The following ZNF385B variants were observed in gnomAD, a reference collection of about 807,000 sequenced individuals.
ZNF385B encodes zinc finger protein 533.
In ZNF385B, 23 loss-of-function variants were observed where a neutral mutation model predicts 39.2. The observed-to-expected ratio is 0.59, with a 90% CI of 0.42 to 0.83. The LOEUF (loss-of-function observed/expected upper bound fraction) is 0.83, where lower values mean the gene tolerates loss of function less well. Ranked by LOEUF, ZNF385B falls within the 40% of genes least tolerant of loss-of-function variation. The pLI is 0.00. For missense variants in ZNF385B, 552 were observed against 598.9 expected, an observed-to-expected ratio of 0.92 and a Z score of 0.82; for synonymous variants, 205 against 222.6, an observed-to-expected ratio of 0.92 and a Z score of 0.70.
chr2:179,733,689 C>T (rs1040010056), intron 3 of ZNF385B, among the ~76,000 whole-genome samples: 5 of 148,444 alleles, frequency 3.4e-5, no homozygotes, highest in Non-Finnish European at 7.4e-5. Flanking sequence ...AGGCGGAGGC[C>T]GGAGAATGGC....
chr2:179,559,438 G>A (rs1399086249), intron 3 of ZNF385B, among the ~76,000 whole-genome samples: 1 of 152,108 alleles, frequency 6.6e-6, no homozygotes, highest in Admixed American at 6.6e-5. Context: ...TGGGGCACTA[G>A]CGATGTGCAA....
intron 6 of ZNF385B, among the ~76,000 whole-genome samples, chr2:179,482,175 G>A (rs774334829): frequency 1.3e-5 from 2 of 152,126 alleles, no homozygotes; most frequent in African/African-American, 2.4e-5. Context: ...TAGTCTCTTT[G>A]TTTGAACAGA....
chr2:179,636,638 T>G (rs3112944), intron 3 of ZNF385B, among the ~76,000 whole-genome samples: 75,315 of 152,012 alleles, frequency 0.5, 19,087 homozygotes, highest in East Asian at 0.75. Context: ...GCCCCTGAAG[T>G]TTAAGCTTCA....
At chr2:179,834,881 T>C (rs1342721365) in intron 1 of ZNF385B, among the ~76,000 whole-genome samples, 4 of 152,182 alleles carry the variant, frequency 2.6e-5, no homozygotes, top group Non-Finnish European at 1.5e-5. Context: ...GGATGCCTAA[T>C]ACATTTAGCC....
intron 3 of ZNF385B, among the ~76,000 whole-genome samples, chr2:179,684,741 C>A (rs1041008417): frequency 2.0e-5 from 3 of 152,174 alleles, no homozygotes; most frequent in Non-Finnish European, 4.4e-5. Context: ...GAACAGCAAA[C>A]CCTACCTAGT....
intron 3 of ZNF385B, among the ~76,000 whole-genome samples, chr2:179,743,564 A>G (rs1702200658): frequency 6.6e-6 from 1 of 152,028 alleles, no homozygotes. Context: ...CCAAATATGT[A>G]CTCTATTCCA....
At chr2:179,587,250 T>C (rs1421501055) in intron 3 of ZNF385B, among the ~76,000 whole-genome samples, 2 of 152,114 alleles carry the variant, frequency 1.3e-5, no homozygotes, top group African/African-American at 4.8e-5. Flanking sequence ...GATTAAGAAG[T>C]TACTCTAAAT....
chr2:179,444,794 T>A, intron 9 of ZNF385B, 82 bp downstream of exon 9: 9 of 1,158,670 alleles, frequency 7.8e-6, no homozygotes, highest in South Asian at 1.2e-5. Flanking sequence ...GACATTAGAC[T>A]CTATGCCCTC....
At chr2:179,692,919 C>G (rs746731637) in intron 3 of ZNF385B, among the ~76,000 whole-genome samples, 24 of 152,280 alleles carry the variant, frequency 1.6e-4, no homozygotes, top group Admixed American at 2.6e-4. Flanking sequence ...CTCCAGTACC[C>G]TAAGGGGACC....
chr2:179,694,799 G>A (rs2106350509), intron 3 of ZNF385B, among the ~76,000 whole-genome samples: 1 of 152,204 alleles, frequency 6.6e-6, no homozygotes, highest in South Asian at 2.1e-4. Context: ...GTGTGATGGT[G>A]TGGGCCTGTA....
At chr2:179,831,770 T>A (rs1575570239) in intron 1 of ZNF385B, among the ~76,000 whole-genome samples, 1 of 151,938 alleles carries the variant, frequency 6.6e-6, no homozygotes. Flanking sequence ...GGATCAGGAG[T>A]GGGGAGGCCA....
intron 3 of ZNF385B, among the ~76,000 whole-genome samples, chr2:179,618,685 G>C (rs1689958371): frequency 1.3e-5 from 2 of 152,168 alleles, no homozygotes; most frequent in Admixed American, 6.5e-5. Flanking sequence ...GGCATGTGAT[G>C]CATGGAGTAG....
chr2:179,540,609 T>A (rs972666241), intron 4 of ZNF385B, among the ~76,000 whole-genome samples: 1 of 151,922 alleles, frequency 6.6e-6, no homozygotes, highest in African/African-American at 2.4e-5. Flanking sequence ...GATGGGGGAG[T>A]ATGAACATTG....
Position 179,495,788 on chromosome 2 carries a change from C to T in ZNF385B, c.553-12354G>A, listed in dbSNP as rs985459350. Among the ~76,000 whole-genome samples the T allele has an allele frequency of 7.2e-5, 11 of 152,270 alleles. No homozygotes were observed. The East Asian group carries it at 9.7e-4, about 13-fold the overall frequency. Reference sequence around the variant, plus strand: ...CTCTATGAGTCTGCAAGCACTGCAGCGTTATAGGGATTGGGGTGCCCCTAA... The same window carrying T: ...CTCTATGAGTCTGCAAGCACTGCAGTGTTATAGGGATTGGGGTGCCCCTAA... On this transcript the variant is annotated intron_variant, in intron 5 of 9. Transcript: ENST00000410066.
chr2:179,604,808 A>G (rs1295282063), intron 3 of ZNF385B, among the ~76,000 whole-genome samples: 1 of 152,144 alleles, frequency 6.6e-6, no homozygotes, highest in Non-Finnish European at 1.5e-5. Context: ...ATATTTCCAC[A>G]GAGTGCTATA....
intron 3 of ZNF385B, among the ~76,000 whole-genome samples, chr2:179,671,662 G>A (rs1179550437): frequency 6.6e-6 from 1 of 152,174 alleles, no homozygotes; most frequent in Non-Finnish European, 1.5e-5. Flanking sequence ...GGGGCTACAG[G>A]CACACATGAA....
intron 5 of ZNF385B, chr2:179,514,313 T>A (rs1451837069): frequency 6.6e-6 from 1 of 152,276 alleles, no homozygotes; most frequent in Non-Finnish European, 1.5e-5. Context: ...CTATTCTGCA[T>A]CTCTCTTCTA....
At chr2:179,624,431 G>T (rs891850789) in intron 3 of ZNF385B, among the ~76,000 whole-genome samples, 2 of 152,160 alleles carry the variant, frequency 1.3e-5, no homozygotes, top group Non-Finnish European at 2.9e-5. Context: ...TAATATTTCT[G>T]TTTGGTGCTC....
intron 3 of ZNF385B, among the ~76,000 whole-genome samples, chr2:179,696,449 G>T (rs1242716609): frequency 6.7e-6 from 1 of 150,348 alleles, no homozygotes; most frequent in Non-Finnish European, 1.5e-5. Context: ...CTGGTGGTGA[G>T]AAAGCCTGAT....
Sources: gnomAD v4.1 joint callset for allele counts (sites outside exome capture counted in the v4.1 genomes callset) on GRCh38, gnomAD v4.1.1 for gene constraint, MANE v1.5 for transcripts, NCBI Gene and HGNC (gene_info 2026-07-23, HGNC 2026-07-21) for gene names.